LIMCH1: variants seen among roughly 807,000 people sequenced by gnomAD.
The protein encoded by LIMCH1 is LIM and calponin homology domains-containing protein 1.
LIMCH1 carries 113 observed loss-of-function variants against 176.5 expected under a neutral mutation model. The observed-to-expected ratio is 0.64, with a 90% CI of 0.55 to 0.75. The LOEUF (loss-of-function observed/expected upper bound fraction) is 0.75, where lower values mean the gene tolerates loss of function less well. LIMCH1 is among the 30% of genes least tolerant of loss of function. The pLI is 0.00. For missense variants in LIMCH1, 1,674 were observed against 1,814.9 expected (o/e 0.92, Z 1.41); for synonymous variants, 619 against 645.9 (o/e 0.96, Z 0.63).
rs1488248268 is a variant in LIMCH1 at position 41,360,913 on chromosome 4, T to A, written c.73T>A (p.Ser25Thr). ...CGAGCCGCCCCCCGAGCCCGCCTTC[T>A]CCGAGGCGCAGAAGTGGATTGAGGT... The change falls in exon 1 of 27, where the codon TCC becomes ACC. Residue 25 changes from serine (S) to threonine (T), a missense_variant. By Grantham distance (58) the Ser-to-Thr change is moderately conservative. Coordinates refer to the LIMCH1 transcript ENST00000313860. This position sits in a 1 kb window ranked among gnomAD's most constrained non-coding sequence, Gnocchi z 4.5. 5 of 1,586,090 alleles carry A rather than the reference T, an allele frequency of 3.2e-6. No individual in the cohort carries two copies. Among genetic ancestry groups the A allele is most frequent in the Non-Finnish European group, 4.3e-6 (5 of 1,169,560 alleles).
At position 41,419,061 on chromosome 4, in the gene LIMCH1, C is replaced by T. The variant is rs1351893243; in HGVS notation, c.96+58125C>T. Among the ~76,000 whole-genome samples, 4 of 152,310 alleles carry T rather than the reference C, an allele frequency of 2.6e-5. No homozygotes were observed. The South Asian group carries it at 8.3e-4, about 32-fold the overall frequency. ...CTTATTTCACTTCTGAATTTCCAGT[C>T]ACTTCACAATCTGCCTCAGTAAAGT... On this transcript the variant is annotated intron_variant, in intron 1 of 26. Coordinates refer to the LIMCH1 transcript ENST00000313860.
At chr4:41,448,807 G>A (rs977984837) in intron 1 of LIMCH1, among the ~76,000 whole-genome samples, 2 of 152,002 alleles carry the variant, frequency 1.3e-5, no homozygotes, top group African/African-American at 4.8e-5. Context: ...GGCATCTGTA[G>A]GCTGATACGG....
rs80176856 is a variant in LIMCH1, at chr4:41,538,168, C to T, written c.-423C>T. 7,643 of 985,474 alleles carry T rather than the reference C, an allele frequency of 7.8e-3. 225 individuals carry two copies. The African/African-American group carries it at 0.082, about 11-fold the overall frequency. The allele number at this position is 985,474 out of a possible 1,614,324, so 61.0% of individuals were successfully genotyped here. Reference sequence around the variant, plus strand: ...CCTTTCACTGCATCAGCATTTCAGCCGCAGCAGCCTGCTTGTGGACAGAGC... The same window carrying T: ...CCTTTCACTGCATCAGCATTTCAGCTGCAGCAGCCTGCTTGTGGACAGAGC... On this transcript the variant is annotated 5_prime_UTR_variant, in exon 1 of 32. Coordinates refer to ENST00000503057, the MANE Select transcript of LIMCH1 (RefSeq NM_001330672.2).
chr4:41,484,412 T>G (rs868109741), intron 1 of LIMCH1, among the ~76,000 whole-genome samples: 11 of 152,358 alleles, frequency 7.2e-5, no homozygotes, highest in African/African-American at 2.6e-4. Flanking sequence ...CCATCAATGT[T>G]TACAAAGCAC....
chr4:41,407,448 T>C (rs2059079949), intron 1 of LIMCH1, among the ~76,000 whole-genome samples: 1 of 152,188 alleles, frequency 6.6e-6, no homozygotes, highest in Non-Finnish European at 1.5e-5. Flanking sequence ...CAGGCTGGTC[T>C]CAAACTCCTG....
chr4:41,577,638 C>G (rs997748153), intron 1 of LIMCH1, among the ~76,000 whole-genome samples: 3 of 152,224 alleles, frequency 2.0e-5, no homozygotes, highest in African/African-American at 7.2e-5. Flanking sequence ...CTATGTTGCT[C>G]AGGCTGTCTT....
chr4:41,382,659 A>C (rs1411695749), intron 1 of LIMCH1, among the ~76,000 whole-genome samples: 2 of 152,190 alleles, frequency 1.3e-5, no homozygotes, highest in African/African-American at 4.8e-5. Flanking sequence ...ACCTTTGCAC[A>C]TTTGGTTTCC....
intron 2 of LIMCH1, chr4:41,524,392 T>C (rs1308786618): frequency 6.2e-7 from 1 of 1,608,584 alleles, no homozygotes; most frequent in Non-Finnish European, 8.5e-7. Flanking sequence ...CTTGACATTC[T>C]GCCTTTTTCA....
intron 1 of LIMCH1, among the ~76,000 whole-genome samples, chr4:41,556,547 T>G (rs980764144): frequency 6.6e-6 from 1 of 152,154 alleles, no homozygotes; most frequent in Non-Finnish European, 1.5e-5. Flanking sequence ...GCCCAGACAC[T>G]GGGCAGTTTA....
intron 5 of LIMCH1, among the ~76,000 whole-genome samples, chr4:41,614,150 C>G (rs1339385846): frequency 1.3e-5 from 2 of 152,192 alleles, no homozygotes; most frequent in African/African-American, 4.8e-5. Flanking sequence ...TTTTGGCAAT[C>G]TGTTTGATGC....
intron 18 of LIMCH1, among the ~76,000 whole-genome samples, chr4:41,660,862 G>A (rs2094594119): frequency 1.3e-5 from 2 of 152,086 alleles, no homozygotes; most frequent in South Asian, 4.1e-4. Flanking sequence ...TGATGAAAAG[G>A]AGTAAGAACC....
At chr4:41,469,665 G>GATTGATTTATTTATTTATTT (rs1554061021) in intron 1 of LIMCH1, among the ~76,000 whole-genome samples, 46 of 148,360 alleles carry the variant, frequency 3.1e-4, no homozygotes, top group African/African-American at 5.8e-4. Context: ...CTTGTTTTGA[G>GATTGATTTATTTATTTATTT]ATTTATTTAT....
rs771785595 is a variant in LIMCH1 at position 41,662,806 on chromosome 4, G to A, written c.3128-15G>A. 1 of 1,613,726 alleles carries A rather than the reference G, an allele frequency of 6.2e-7. No homozygotes were observed. ...CTTTTCCTTCTGTACGTTTCTGGAT[G>A]TAACTCCATTGCAGAACCACAGCAT... On this transcript the variant is annotated splice_polypyrimidine_tract_variant and intron_variant, in intron 19 of 31. Transcript: ENST00000503057.
At chr4:41,613,194 T>C in intron 4 of LIMCH1, 1 of 751,338 alleles carries the variant, frequency 1.3e-6, no homozygotes, top group Admixed American at 3.0e-5. Context: ...TTCTCTACTC[T>C]TTTTTTTTTA....
chr4:41,404,290 A>G (rs968281641), intron 1 of LIMCH1, among the ~76,000 whole-genome samples: 4 of 151,330 alleles, frequency 2.6e-5, no homozygotes, highest in African/African-American at 9.8e-5. Flanking sequence ...TCTTACAGCA[A>G]TGCCCACCTG....
At chr4:41,635,816 T>C (rs1009848353) in intron 13 of LIMCH1, among the ~76,000 whole-genome samples, 2 of 152,250 alleles carry the variant, frequency 1.3e-5, no homozygotes, top group Non-Finnish European at 2.9e-5. Context: ...AAATTATTGA[T>C]TCTGAAATGC....
intron 1 of LIMCH1, among the ~76,000 whole-genome samples, chr4:41,370,505 C>G (rs1273176971): frequency 6.6e-6 from 1 of 152,052 alleles, no homozygotes; most frequent in Non-Finnish European, 1.5e-5. Flanking sequence ...ATCCCCTCTT[C>G]TTTTCCTATG....
intron 1 of LIMCH1, among the ~76,000 whole-genome samples, chr4:41,414,916 CTG>C: frequency 6.6e-6 from 1 of 152,258 alleles, no homozygotes; most frequent in Non-Finnish European, 1.5e-5. Context: ...AACACGGACT[CTG>C]GAATCAAACC....
chr4:41,550,324 T>A (rs1234593965), intron 1 of LIMCH1, among the ~76,000 whole-genome samples: 2 of 151,726 alleles, frequency 1.3e-5, no homozygotes, highest in African/African-American at 2.4e-5. Flanking sequence ...ACCTGTTGAC[T>A]GAATCAATAG....
Sources: gnomAD v4.1 joint callset for allele counts (sites outside exome capture counted in the v4.1 genomes callset) on GRCh38, gnomAD v4.1.1 for gene constraint, Gnocchi (gnomAD v3.1) non-coding constraint, MANE v1.5 for transcripts, NCBI Gene and HGNC (gene_info 2026-07-23, HGNC 2026-07-21) for gene names.